The following CRY1 variants were observed in gnomAD, a reference collection of about 807,000 sequenced individuals.
The protein encoded by CRY1 is cryptochrome circadian regulator 1.
CRY1 carries 45 observed loss-of-function variants against 76.0 expected under a neutral mutation model. That is an observed-to-expected ratio of 0.59 (90% CI 0.47 to 0.76). The LOEUF is 0.76. Among genes scored for constraint, CRY1 ranks in the 30% least tolerant of loss-of-function variants. The pLI is 0.00. For synonymous variants in CRY1, 248 were observed against 244.0 expected (o/e 1.02, Z -0.15); for missense variants, 587 against 716.4 (o/e 0.82, Z 2.06).
intron 1 of CRY1, among the ~76,000 whole-genome samples, chr12:107,088,326 T>A (rs1475204669): frequency 6.6e-6 from 1 of 152,186 alleles, no homozygotes; most frequent in Admixed American, 6.5e-5. Context: ...TCAGCTCCAC[T>A]TCCCCTTCCA....
At chr12:107,038,043 T>C (rs1593518380) in intron 1 of CRY1, among the ~76,000 whole-genome samples, 1 of 152,132 alleles carries the variant, frequency 6.6e-6, no homozygotes, top group African/African-American at 2.4e-5. Context: ...CTTGGGCTGC[T>C]GAGTAGAAAA....
Position 107,091,362 on chromosome 12 carries a change from A to G in CRY1, c.158+1442T>C, listed in dbSNP as rs141170594. On this transcript the variant is annotated intron_variant, in intron 1 of 12. Transcript: ENST00000008527. ...TTCTTTCTCTCTCACTACATATCCAATCTGCCAACAAATACCCTGTATTTT... is the reference window on the plus strand; with the variant it reads ...TTCTTTCTCTCTCACTACATATCCAGTCTGCCAACAAATACCCTGTATTTT... Among the ~76,000 whole-genome samples the G allele has an allele frequency of 6.9e-3, 1,048 of 152,056 alleles. 18 individuals carry two copies. Among genetic ancestry groups the G allele is most frequent in the African/African-American group, 0.024 (1,007 of 41,494 alleles).
intron 2 of CRY1, among the ~76,000 whole-genome samples, chr12:107,010,050 C>A (rs1424674426): frequency 6.6e-6 from 1 of 151,974 alleles, no homozygotes; most frequent in African/African-American, 2.4e-5. Context: ...ATTACAAATT[C>A]AATTTATTTA....
intron 1 of CRY1, among the ~76,000 whole-genome samples, chr12:107,030,287 C>A (rs1311851430): frequency 6.6e-6 from 1 of 152,112 alleles, no homozygotes; most frequent in Non-Finnish European, 1.5e-5. Flanking sequence ...TACAAGGTAT[C>A]TCATTTTAAA....
rs562176842 is a variant in CRY1 at position 107,026,295 on chromosome 12, G to A, written c.159-4103C>T. 2.5e-4 allele frequency among the ~76,000 whole-genome samples: 38 copies of A among 149,718 alleles called. No homozygotes were observed. The East Asian group carries it at 3.4e-3, about 13-fold the overall frequency. On this transcript the variant is annotated intron_variant, in intron 1 of 12. Coordinates refer to ENST00000008527, the MANE Select transcript of CRY1 (RefSeq NM_004075.5). Reference sequence around the variant, plus strand: ...CATCCAGGCTGGAGTGCAGTGGCACGATCTCAGCTCACTGCAGCCTCCACC... The same window carrying A: ...CATCCAGGCTGGAGTGCAGTGGCACAATCTCAGCTCACTGCAGCCTCCACC...
chr12:107,009,443 G>A (rs954394065), intron 2 of CRY1, among the ~76,000 whole-genome samples: 1 of 151,574 alleles, frequency 6.6e-6, no homozygotes, highest in African/African-American at 2.4e-5. Context: ...GGAGGCTGAG[G>A]CAGGAGAATT....
chr12:107,035,576 CAT>C (rs1420436384), intron 1 of CRY1, among the ~76,000 whole-genome samples: 1 of 152,100 alleles, frequency 6.6e-6, no homozygotes, highest in Non-Finnish European at 1.5e-5. Flanking sequence ...GAAACTGAAA[CAT>C]ATACTGGTTA....
chr12:107,031,212 A>G (rs1952670363), intron 1 of CRY1, among the ~76,000 whole-genome samples: 1 of 152,206 alleles, frequency 6.6e-6, no homozygotes, highest in South Asian at 2.1e-4. Flanking sequence ...AGTCAGCTTT[A>G]GCCCTGGGGA....
chr12:107,077,283 T>C (rs1953268256), intron 1 of CRY1, among the ~76,000 whole-genome samples: 1 of 152,220 alleles, frequency 6.6e-6, no homozygotes, highest in Non-Finnish European at 1.5e-5. Context: ...CAGAGGTCCT[T>C]TTTAACATTG....
intron 1 of CRY1, among the ~76,000 whole-genome samples, chr12:107,044,773 AAAAG>A (rs1452313709): frequency 2.0e-5 from 3 of 152,206 alleles, no homozygotes; most frequent in Non-Finnish European, 2.9e-5. Flanking sequence ...ACTTTGATCA[AAAAG>A]AAAGAATCTC....
intron 1 of CRY1, among the ~76,000 whole-genome samples, chr12:107,056,132 C>T (rs1257992102): frequency 6.6e-6 from 1 of 152,082 alleles, no homozygotes; most frequent in African/African-American, 2.4e-5. Context: ...CCTCACGGTA[C>T]AAGGACAGAA....
At chr12:107,010,198 A>C (rs1952427773) in intron 2 of CRY1, among the ~76,000 whole-genome samples, 1 of 152,096 alleles carries the variant, frequency 6.6e-6, no homozygotes, top group Non-Finnish European at 1.5e-5. Context: ...CTATGCTTTT[A>C]AAGTCTGGAG....
chr12:107,016,249 G>A (rs893971804), intron 2 of CRY1, among the ~76,000 whole-genome samples: 2 of 152,198 alleles, frequency 1.3e-5, no homozygotes, highest in Non-Finnish European at 2.9e-5. Context: ...GGTGGAGGCT[G>A]CAGTGAGCTG....
intron 1 of CRY1, among the ~76,000 whole-genome samples, chr12:107,068,156 TGAGA>T (rs1188388990): frequency 1.3e-5 from 2 of 152,112 alleles, no homozygotes; most frequent in Non-Finnish European, 2.9e-5. Flanking sequence ...GGTGGGTAGC[TGAGA>T]GAGAGATCAT....
At chr12:107,032,413 G>T (rs1340747207) in intron 1 of CRY1, among the ~76,000 whole-genome samples, 2 of 151,142 alleles carry the variant, frequency 1.3e-5, no homozygotes, top group Admixed American at 1.3e-4. Flanking sequence ...TCACCTCAAC[G>T]CAAATTCATG....
At chr12:107,021,228 C>T (rs548506845) in intron 2 of CRY1, among the ~76,000 whole-genome samples, 3 of 152,086 alleles carry the variant, frequency 2.0e-5, no homozygotes, top group Admixed American at 6.5e-5. Context: ...GGTTGTAGTG[C>T]GCTGAGATTG....
intron 9 of CRY1, 25 bp from the exon 10 acceptor site, chr12:106,997,411 T>G: frequency 6.2e-7 from 1 of 1,612,188 alleles, no homozygotes; most frequent in Non-Finnish European, 8.5e-7. Context: ...AATTTTCTTT[T>G]AAATTATGAT....
intron 1 of CRY1, among the ~76,000 whole-genome samples, chr12:107,026,088 TTA>T (rs1162908094): frequency 4.4e-5 from 2 of 45,868 alleles, no homozygotes; most frequent in East Asian, 1.2e-3. Context: ...ATTATACATA[TTA>T]TATATATAAC....
intron 1 of CRY1, among the ~76,000 whole-genome samples, chr12:107,024,699 C>A (rs143089449): frequency 6.6e-6 from 1 of 152,076 alleles, no homozygotes; most frequent in Admixed American, 6.6e-5. Flanking sequence ...TTATATGAAC[C>A]AAACAAATGC....
Sources: allele counts gnomAD v4.1 joint callset (sites outside exome capture counted in the v4.1 genomes callset), GRCh38; gene constraint gnomAD v4.1.1; transcripts MANE v1.5; gene names NCBI Gene and HGNC (gene_info 2026-07-23, HGNC 2026-07-21).